STIL: variants seen among roughly 807,000 people sequenced by gnomAD.
The protein encoded by STIL is SCL-interrupting locus protein.
Under a neutral mutation model 110.1 loss-of-function variants are expected in STIL, and 55 were observed. The ratio of observed to expected loss-of-function variants is 0.50; its 90% CI spans 0.40 to 0.63. STIL has a LOEUF of 0.63. STIL is among the 20% of genes least tolerant of loss of function. STIL has a pLI of 0.00. For missense variants in STIL, 1,358 were observed against 1,530.0 expected, an observed-to-expected ratio of 0.89 and a Z score of 1.87; for synonymous variants, 481 against 530.0, an observed-to-expected ratio of 0.91 and a Z score of 1.27.
At position 47,260,505 on chromosome 1, in the gene STIL, T is replaced by C; in HGVS notation, c.2864A>G (p.Lys955Arg). The C allele has an allele frequency of 6.2e-7, 1 of 1,614,222 alleles. No individual in the cohort carries two copies. The highest frequency in any genetic ancestry group is 8.5e-7 in the Non-Finnish European group (1 of 1,180,044). Residue 955 changes from lysine to arginine, a missense_variant, in exon 16 of 17, where the codon AAG becomes AGG. Physicochemically the swap from Lys to Arg is conservative, Grantham distance 26 (BLOSUM62 2). Transcript: ENST00000371877. ...TTTGGTAGACGGCTGCTCAGTTTCCTTGGAGGAACTATTTAATAGGTGGTT... is the reference window on the plus strand; with the variant it reads ...TTTGGTAGACGGCTGCTCAGTTTCCCTGGAGGAACTATTTAATAGGTGGTT... Reference protein sequence around the residue: ...QVNHLLNSSSKETEQPSTKAV... With the variant: ...QVNHLLNSSSRETEQPSTKAV...
chr1:47,296,700 C>T (rs1645650911), intron 6 of STIL, among the ~76,000 whole-genome samples: 1 of 151,984 alleles, frequency 6.6e-6, no homozygotes. Context: ...ATCCCAGCTA[C>T]TCGGGAGGCT....
intron 14 of STIL, among the ~76,000 whole-genome samples, chr1:47,269,108 T>A (rs1164174967): frequency 6.7e-6 from 1 of 149,172 alleles, no homozygotes; most frequent in Non-Finnish European, 1.5e-5. Context: ...AAAAAAAAAA[T>A]TTCTCCATCT....
intron 10 of STIL, 50 bp from the exon 11 acceptor site, chr1:47,282,509 T>C: frequency 8.9e-7 from 1 of 1,129,512 alleles, no homozygotes; most frequent in Non-Finnish European, 1.3e-6. Context: ...TCCAGTGTTT[T>C]CTTTCTTCTA....
chr1:47,297,329 G>A (rs1490629681), intron 6 of STIL, among the ~76,000 whole-genome samples: 1 of 142,194 alleles, frequency 7.0e-6, no homozygotes, highest in Non-Finnish European at 1.5e-5. Context: ...TGGCAACAGA[G>A]CAAGACTCCA....
chr1:47,301,581 C>T lies in STIL; in HGVS notation c.433G>A (p.Asp145Asn). The T allele has an allele frequency of 1.9e-6, 3 of 1,612,988 alleles. No individual in the cohort carries two copies. The highest frequency in any genetic ancestry group is 1.7e-6 in the Non-Finnish European group (2 of 1,179,806). Residue 145 changes from aspartate to asparagine, a missense_variant, in exon 5 of 17, where the codon GAC (aspartate) becomes AAC (asparagine). Asp to Asn is a conservative substitution (Grantham distance 23). Transcript: ENST00000371877. ...SREMIVHSVD[D>N]FSSALKALQC... ...CGCACCTTTAAAGCTGAACTGAAGTCATCTACACTGTGAACTATCATTTCT... is the reference window on the plus strand; with the variant it reads ...CGCACCTTTAAAGCTGAACTGAAGTTATCTACACTGTGAACTATCATTTCT...
chr1:47,271,974 G>A (rs1191904910), intron 13 of STIL, 102 bp downstream of exon 13: 22 of 1,301,814 alleles, frequency 1.7e-5, no homozygotes, highest in Non-Finnish European at 2.4e-5. Context: ...CTTGGTTTTG[G>A]TCCTACTGCA....
rs550255557 is a variant in STIL at position 47,295,172 on chromosome 1, G to C, written c.785+593C>G. Among the ~76,000 whole-genome samples, 8 of 151,642 alleles carry C rather than the reference G, an allele frequency of 5.3e-5. No individual in the cohort carries two copies. In the South Asian group the frequency reaches 1.7e-3, roughly 32 times the overall value. On this transcript the variant is annotated intron_variant, in intron 7 of 16. Coordinates refer to ENST00000371877, the MANE Select transcript of STIL (RefSeq NM_001048166.1). The stretch of plus-strand genomic sequence containing the variant: ...TCCTGACCTCGAACTCCTGACCTCA[G>C]GTGATCCGCCCACCTCAGCCTCCAA...
At chr1:47,257,861 A>G (rs1276132971) in intron 16 of STIL, among the ~76,000 whole-genome samples, 2 of 152,238 alleles carry the variant, frequency 1.3e-5, no homozygotes, top group African/African-American at 4.8e-5. Flanking sequence ...GTATTACGAT[A>G]TCTCTTATAG....
chr1:47,260,210 C>G, intron 16 of STIL, 79 bp downstream of exon 16: 1 of 1,370,564 alleles, frequency 7.3e-7, no homozygotes, highest in Non-Finnish European at 9.9e-7. Flanking sequence ...ATTCATCTAG[C>G]CAATGATGGG....
chr1:47,273,358 C>T (rs1644896486), intron 12 of STIL, among the ~76,000 whole-genome samples: 1 of 152,228 alleles, frequency 6.6e-6, no homozygotes, highest in Non-Finnish European at 1.5e-5. Context: ...TTAGCAGCCA[C>T]ACCCTATTGC....
rs757932455 is a variant in STIL, at chr1:47,301,653, C to T, written c.361G>A (p.Asp121Asn). 9 of 1,613,816 alleles carry T rather than the reference C, an allele frequency of 5.6e-6. No individual in the cohort carries two copies. In the African/African-American group the frequency reaches 1.1e-4, roughly 19 times the overall value. Residue 121 changes from aspartate (D) to asparagine (N), a missense_variant, in exon 5 of 17, where the codon GAC becomes AAC. Transcript: ENST00000371877. ...EITPTASLPG[D>N]FLIPCKVHTQ... ...TGAACTTTGCATGGAATCAAAAAGT[C>T]CCCAGGAAGAGAAGCAGTAGGGGTT...
chr1:47,308,266 C>T (rs930761536), intron 2 of STIL, among the ~76,000 whole-genome samples: 7 of 152,010 alleles, frequency 4.6e-5, no homozygotes, highest in East Asian at 1.9e-4. Flanking sequence ...ATGTCTCCCC[C>T]GGAAGCCCAG....
chr1:47,268,164 C>T (rs992915066), intron 14 of STIL, among the ~76,000 whole-genome samples: 12 of 152,136 alleles, frequency 7.9e-5, no homozygotes, highest in East Asian at 1.9e-4. Context: ...TTAGAAATCT[C>T]GCCATCTCAC....
At chr1:47,297,631 C>G (rs1474554120) in intron 6 of STIL, among the ~76,000 whole-genome samples, 1 of 151,904 alleles carries the variant, frequency 6.6e-6, no homozygotes, top group African/African-American at 2.4e-5. Context: ...AGCTGGAGAG[C>G]AGTGGCTATT....
intron 16 of STIL, among the ~76,000 whole-genome samples, chr1:47,258,710 A>G (rs1054434933): frequency 6.6e-6 from 1 of 152,034 alleles, no homozygotes; most frequent in Non-Finnish European, 1.5e-5. Context: ...CCATCTCTGC[A>G]AAAAATAAAA....
chr1:47,312,281 G>C (rs1323539199), intron 1 of STIL, among the ~76,000 whole-genome samples: 1 of 151,978 alleles, frequency 6.6e-6, no homozygotes, highest in Non-Finnish European at 1.5e-5. Flanking sequence ...ACGAGGTCAG[G>C]AGATCGAGAC....
chr1:47,290,096 G>T (rs1267025713), intron 8 of STIL, among the ~76,000 whole-genome samples: 1 of 152,096 alleles, frequency 6.6e-6, no homozygotes, highest in Admixed American at 6.6e-5. Flanking sequence ...TTTAATTTCT[G>T]CTATCTAAAT....
intron 16 of STIL, among the ~76,000 whole-genome samples, chr1:47,256,963 T>A (rs1285389002): frequency 1.1e-4 from 17 of 152,064 alleles, no homozygotes; most frequent in Non-Finnish European, 1.5e-5. Flanking sequence ...GCCACTGCAC[T>A]CCAGCCTGGG....
intron 14 of STIL, among the ~76,000 whole-genome samples, chr1:47,265,799 A>G (rs1361395609): frequency 1.3e-5 from 2 of 150,856 alleles, no homozygotes; most frequent in Non-Finnish European, 3.0e-5. Flanking sequence ...AAAAAAAAAA[A>G]AAAAAAAGAA....
Sources: gnomAD v4.1 joint callset for allele counts (sites outside exome capture counted in the v4.1 genomes callset) on GRCh38, gnomAD v4.1.1 for gene constraint, MANE v1.5 for transcripts, NCBI Gene and HGNC (gene_info 2026-07-23, HGNC 2026-07-21) for gene names.